The following ZMYM4 variants were observed in gnomAD, a reference collection of about 807,000 sequenced individuals.
ZMYM4 encodes zinc finger MYM-type protein 4.
In ZMYM4, 31 loss-of-function variants were observed where a neutral mutation model predicts 183.2. The observed-to-expected ratio is 0.17, with a 90% CI of 0.13 to 0.23. ZMYM4 has a LOEUF of 0.23. ZMYM4 is among the 10% of genes least tolerant of loss of function. ZMYM4 has a pLI of 1.00. For missense variants in ZMYM4, 1,273 were observed against 1,840.3 expected, an observed-to-expected ratio of 0.69 and a Z score of 5.64; for synonymous variants, 592 against 631.2, an observed-to-expected ratio of 0.94 and a Z score of 0.93.
intron 1 of ZMYM4, among the ~76,000 whole-genome samples, chr1:35,308,563 T>TA (rs1225566035): frequency 6.6e-6 from 1 of 152,068 alleles, no homozygotes; most frequent in African/African-American, 2.4e-5. Context: ...TTTTCGTAGT[T>TA]AAGAGTGGAT....
At chr1:35,300,299 C>T (rs1641222741) in intron 1 of ZMYM4, among the ~76,000 whole-genome samples, 1 of 152,166 alleles carries the variant, frequency 6.6e-6, no homozygotes, top group Non-Finnish European at 1.5e-5. Context: ...TATGAGTCTA[C>T]TCTTATTATT....
chr1:35,285,775 C>G (rs758791087), intron 1 of ZMYM4, among the ~76,000 whole-genome samples: 9 of 152,112 alleles, frequency 5.9e-5, no homozygotes, highest in Non-Finnish European at 1.3e-4. Flanking sequence ...TCCAGTCCCC[C>G]ACAGATACTG....
chr1:35,280,549 TAAAG>T (rs924857471), intron 1 of ZMYM4, among the ~76,000 whole-genome samples: 7 of 152,208 alleles, frequency 4.6e-5, no homozygotes, highest in African/African-American at 7.2e-5. Flanking sequence ...GGTTTAAAAT[TAAAG>T]AAATTTATCA....
chr1:35,324,189 A>G (rs887103818), intron 1 of ZMYM4, among the ~76,000 whole-genome samples: 4 of 151,108 alleles, frequency 2.6e-5, no homozygotes, highest in Non-Finnish European at 5.9e-5. Flanking sequence ...TTTCACCATT[A>G]TTTTCTTCTT....
At chr1:35,281,839 T>G (rs1383007683) in intron 1 of ZMYM4, among the ~76,000 whole-genome samples, 1 of 152,180 alleles carries the variant, frequency 6.6e-6, no homozygotes, top group East Asian at 1.9e-4. Flanking sequence ...CAGCCTCTGG[T>G]AAACTTTAAA....
At chr1:35,337,221 A>C (rs1312899514) in intron 2 of ZMYM4, among the ~76,000 whole-genome samples, 3 of 151,962 alleles carry the variant, frequency 2.0e-5, no homozygotes, top group Non-Finnish European at 4.4e-5. Context: ...AATTAGCTGG[A>C]TGTGATGTTG....
chr1:35,336,301 T>G (rs2148848271), intron 2 of ZMYM4, among the ~76,000 whole-genome samples: 1 of 152,276 alleles, frequency 6.6e-6, no homozygotes, highest in South Asian at 2.1e-4. Flanking sequence ...AAAATGATAC[T>G]TTAGTGTATC....
intron 19 of ZMYM4, chr1:35,397,132 A>G (rs1417054735): frequency 1.8e-6 from 2 of 1,093,872 alleles, no homozygotes; most frequent in Non-Finnish European, 2.2e-6. Flanking sequence ...ATGCAAGTGT[A>G]TTATAGAATT....
rs931586982 is a variant in ZMYM4, at chr1:35,331,911, C to T, written c.85+6506C>T. On this transcript the variant is annotated intron_variant, in intron 2 of 29. Coordinates refer to ENST00000314607, the MANE Select transcript of ZMYM4 (RefSeq NM_005095.3). ...TATGTGAATTTTAGTTTAGGTTGAT[C>T]AGTAGGATAAGAGGGTGGTAAAAGT... 9.2e-5 allele frequency among the ~76,000 whole-genome samples: 14 copies of T among 151,534 alleles called. 1 individual carries two copies. Among genetic ancestry groups the T allele is most frequent in the Admixed American group, 3.3e-4 (5 of 15,236 alleles).
chr1:35,331,811 TAAATA>T (rs1437269164), intron 2 of ZMYM4, among the ~76,000 whole-genome samples: 1 of 148,838 alleles, frequency 6.7e-6, no homozygotes, highest in Non-Finnish European at 1.5e-5. Flanking sequence ...AATAAATAAA[TAAATA>T]AATAAATAAA....
chr1:35,346,699 A>G (rs557329684), intron 2 of ZMYM4, among the ~76,000 whole-genome samples: 6 of 151,424 alleles, frequency 4.0e-5, no homozygotes, highest in African/African-American at 1.5e-4. Flanking sequence ...AAATAGTTCT[A>G]TAGATAATTT....
chr1:35,396,760 T>C (rs1346695379), intron 19 of ZMYM4, 90 bp downstream of exon 19: 17 of 1,405,624 alleles, frequency 1.2e-5, no homozygotes, highest in Non-Finnish European at 1.6e-5. Context: ...TTTCATTTGT[T>C]AGTAAAATAT....
chr1:35,352,923 T>G (rs1038530725), intron 2 of ZMYM4, among the ~76,000 whole-genome samples: 9 of 152,236 alleles, frequency 5.9e-5, no homozygotes, highest in Non-Finnish European at 1.0e-4. Context: ...GTCTCATTTC[T>G]TGGCCAGTCT....
chr1:35,387,404 A>G (rs752196311), intron 12 of ZMYM4, 50 bp from the exon 13 acceptor site: 11 of 1,574,456 alleles, frequency 7.0e-6, no homozygotes, highest in African/African-American at 2.7e-5. Flanking sequence ...AAGGAGTTCC[A>G]TAAGACAAAC....
At chr1:35,284,078 G>C (rs553331915) in intron 1 of ZMYM4, among the ~76,000 whole-genome samples, 1 of 151,732 alleles carries the variant, frequency 6.6e-6, no homozygotes, top group Non-Finnish European at 1.5e-5. Flanking sequence ...CCGGGTTCAC[G>C]CCATTCTCCT....
chr1:35,361,556 T>C (rs1397841683), intron 4 of ZMYM4, 63 bp from the exon 5 acceptor site: 2 of 1,540,468 alleles, frequency 1.3e-6, no homozygotes, highest in East Asian at 2.3e-5. Flanking sequence ...CTTTGGGTGT[T>C]AAACCTGAAG....
chr1:35,301,506 A>G (rs886146140), intron 1 of ZMYM4, among the ~76,000 whole-genome samples: 1 of 150,854 alleles, frequency 6.6e-6, no homozygotes, highest in Non-Finnish European at 1.5e-5. Context: ...AGGTCATGCC[A>G]CTGTACTCCA....
rs532423167 is a variant in ZMYM4 at position 35,384,944 on chromosome 1, G to A, written c.1570-498G>A. Among the ~76,000 whole-genome samples the A allele has an allele frequency of 2.0e-3, 291 of 148,740 alleles. 2 individuals are homozygous for A. Among genetic ancestry groups the A allele is most frequent in the Non-Finnish European group, 3.5e-3 (237 of 67,608 alleles). On this transcript the variant is annotated intron_variant, in intron 9 of 29. Transcript: ENST00000314607. ...CTGCAAGCTCTGCCTCCTGGTTCAC[G>A]CCATTCTCCTGCCTCAGCCTCCTGA...
At chr1:35,269,109 G>A (rs549032510) in intron 1 of ZMYM4, 24 bp downstream of exon 1, 7 of 1,545,440 alleles carry the variant, frequency 4.5e-6, no homozygotes, top group Non-Finnish European at 6.1e-6. Flanking sequence ...GGCAGAACTC[G>A]GGCGGCGGGG....
Sources: allele counts gnomAD v4.1 joint callset (sites outside exome capture counted in the v4.1 genomes callset), GRCh38; gene constraint gnomAD v4.1.1; transcripts MANE v1.5; gene names NCBI Gene and HGNC (gene_info 2026-07-23, HGNC 2026-07-21).